ZRANB3: variants seen among roughly 807,000 people sequenced by gnomAD.
The protein encoded by ZRANB3 is zinc finger RANBP2-type containing 3.
A neutral mutation model predicts 133.8 loss-of-function variants in ZRANB3; 125 were observed. The observed-to-expected ratio is 0.93, with a 90% CI of 0.81 to 1.08. The LOEUF is 1.08. Among genes scored for constraint, ZRANB3 ranks in the 50% least tolerant of loss-of-function variants. The pLI is 0.00. For missense variants in ZRANB3, 1,229 were observed against 1,275.5 expected, an observed-to-expected ratio of 0.96 and a Z score of 0.56; for synonymous variants, 387 against 432.7, an observed-to-expected ratio of 0.89 and a Z score of 1.31.
At chr2:135,389,055 G>A (rs1014868682) in intron 3 of ZRANB3, among the ~76,000 whole-genome samples, 2 of 152,162 alleles carry the variant, frequency 1.3e-5, no homozygotes, top group African/African-American at 4.8e-5. Flanking sequence ...TCCAGTCTGG[G>A]CGACAGAGCG....
At chr2:135,482,968 C>A (rs959718829) in intron 2 of ZRANB3, among the ~76,000 whole-genome samples, 1 of 151,748 alleles carries the variant, frequency 6.6e-6, no homozygotes, top group African/African-American at 2.4e-5. Context: ...GGATGAAGCC[C>A]ACTTGATCAT....
intron 6 of ZRANB3, among the ~76,000 whole-genome samples, chr2:135,316,983 A>AT (rs1553471634): frequency 0.064 from 8,363 of 130,446 alleles, 318 homozygotes; most frequent in African/African-American, 0.097. Flanking sequence ...AAAAAAAAAA[A>AT]ATATATATAT....
chr2:135,517,312 C>T (rs1038302705), intron 1 of ZRANB3, among the ~76,000 whole-genome samples: 2 of 152,066 alleles, frequency 1.3e-5, no homozygotes, highest in Non-Finnish European at 2.9e-5. Context: ...CTTTTGTTCC[C>T]TTGCTGGCGA....
chr2:135,472,101 T>C lies in ZRANB3; in HGVS notation c.161+32228A>G, dbSNP rs151169212. 1.8e-4 allele frequency among the ~76,000 whole-genome samples: 27 copies of C among 152,326 alleles called. No homozygotes were observed. The East Asian group carries it at 5.0e-3, about 28-fold the overall frequency. ...TAAAGAAAAGCACCAACTTTATATC[T>C]GATGGGAAACTAATTTAAAACAAAA... On this transcript the variant is annotated intron_variant, in intron 2 of 20. Transcript: ENST00000264159.
chr2:135,226,270 T>C (rs945997485), intron 14 of ZRANB3, among the ~76,000 whole-genome samples: 4 of 152,240 alleles, frequency 2.6e-5, no homozygotes, highest in African/African-American at 9.6e-5. Context: ...GATGCATCTA[T>C]GGTCATTCTT....
intron 1 of ZRANB3, among the ~76,000 whole-genome samples, chr2:135,528,999 G>T: frequency 6.6e-6 from 1 of 152,194 alleles, no homozygotes; most frequent in East Asian, 1.9e-4. Flanking sequence ...GAAACAGTAA[G>T]TGACATTACA....
intron 17 of ZRANB3, among the ~76,000 whole-genome samples, chr2:135,215,909 T>C (rs1694286951): frequency 6.6e-6 from 1 of 152,110 alleles, no homozygotes; most frequent in Non-Finnish European, 1.5e-5. Context: ...GTCACATCCC[T>C]TACTTGAGAC....
intron 8 of ZRANB3, among the ~76,000 whole-genome samples, chr2:135,277,241 C>A (rs1256214870): frequency 6.6e-6 from 1 of 152,200 alleles, no homozygotes; most frequent in Non-Finnish European, 1.5e-5. Context: ...TCTAAGGAAT[C>A]TGACCAGCCA....
intron 2 of ZRANB3, among the ~76,000 whole-genome samples, chr2:135,456,854 G>A (rs1386319269): frequency 1.3e-5 from 2 of 152,158 alleles, no homozygotes; most frequent in Non-Finnish European, 2.9e-5. Context: ...TCTGACAGCA[G>A]AACACCTTTC....
intron 2 of ZRANB3, among the ~76,000 whole-genome samples, chr2:135,395,702 C>T (rs1307463250): frequency 1.3e-5 from 2 of 152,142 alleles, no homozygotes; most frequent in Non-Finnish European, 2.9e-5. Flanking sequence ...AAATGATCCA[C>T]CTGCCTCGGC....
At chr2:135,239,418 A>AG (rs1695451926) in intron 12 of ZRANB3, among the ~76,000 whole-genome samples, 1 of 368 alleles carries the variant, frequency 2.7e-3, no homozygotes, top group Admixed American at 0.071. Flanking sequence ...ATAAAAAATC[A>AG]AAAAAAAAAG....
chr2:135,384,398 C>T (rs937998219), intron 3 of ZRANB3, among the ~76,000 whole-genome samples: 5 of 152,100 alleles, frequency 3.3e-5, no homozygotes, highest in South Asian at 4.2e-4. Context: ...GATTCACAGC[C>T]GAATTCTACC....
chr2:135,490,715 G>A (rs1692332767), intron 2 of ZRANB3, among the ~76,000 whole-genome samples: 1 of 152,050 alleles, frequency 6.6e-6, no homozygotes, highest in South Asian at 2.1e-4. Flanking sequence ...GTACTCAATA[G>A]CCAAAATGTG....
intron 2 of ZRANB3, among the ~76,000 whole-genome samples, chr2:135,461,635 T>C (rs1270705146): frequency 6.6e-6 from 1 of 152,180 alleles, no homozygotes; most frequent in Non-Finnish European, 1.5e-5. Context: ...TAGATAATTA[T>C]AATCTATAGC....
At chr2:135,434,731 G>A (rs1297692639) in intron 2 of ZRANB3, among the ~76,000 whole-genome samples, 2 of 152,164 alleles carry the variant, frequency 1.3e-5, no homozygotes, top group Non-Finnish European at 2.9e-5. Flanking sequence ...AGGCCAAACT[G>A]TTCAGAAGAT....
intron 2 of ZRANB3, among the ~76,000 whole-genome samples, chr2:135,502,950 T>A (rs1693012110): frequency 1.3e-5 from 2 of 151,476 alleles, no homozygotes; most frequent in South Asian, 4.1e-4. Context: ...TCTCACTCAG[T>A]AAGATTACAA....
At chr2:135,501,904 T>C (rs1483563339) in intron 2 of ZRANB3, among the ~76,000 whole-genome samples, 1 of 152,160 alleles carries the variant, frequency 6.6e-6, no homozygotes, top group African/African-American at 2.4e-5. Flanking sequence ...TTTTGTAATT[T>C]TTCCCTTTGT....
Position 135,198,982 on chromosome 2 carries a change from G to A in ZRANB3, c.*1360C>T, listed in dbSNP as rs571850665. 2.6e-5 allele frequency: 4 copies of A among 152,190 alleles called. No individual in the cohort carries two copies. Among genetic ancestry groups the A allele is most frequent in the Non-Finnish European group, 5.9e-5 (4 of 68,038 alleles). The allele number at this position is 152,190 out of a possible 1,614,324, so 9.4% of individuals were successfully genotyped here. On this transcript the variant is annotated 3_prime_UTR_variant, in exon 21 of 21. Transcript: ENST00000264159. ...GTATTTACAAACAGCTCCCTTTTGG[G>A]AATGTAATTCTTCCTCGGTCCTGTA...
intron 2 of ZRANB3, among the ~76,000 whole-genome samples, chr2:135,395,663 G>A (rs1378643078): frequency 6.6e-6 from 1 of 151,854 alleles, no homozygotes; most frequent in African/African-American, 2.4e-5. Flanking sequence ...TCACCATTTT[G>A]GCCAGGCTGG....
Sources: gnomAD v4.1 joint callset for allele counts (sites outside exome capture counted in the v4.1 genomes callset) on GRCh38, gnomAD v4.1.1 for gene constraint, MANE v1.5 for transcripts, NCBI Gene and HGNC (gene_info 2026-07-23, HGNC 2026-07-21) for gene names.